STX8: variants seen among roughly 807,000 people sequenced by gnomAD.
STX8 encodes the protein syntaxin-8.
Under a neutral mutation model 37.5 loss-of-function variants are expected in STX8, and 23 were observed. The ratio of observed to expected loss-of-function variants is 0.61; its 90% CI spans 0.44 to 0.87. STX8 has a LOEUF of 0.87. Ranked by LOEUF, STX8 falls within the 40% of genes least tolerant of loss-of-function variation. The probability of loss-of-function intolerance (pLI) is 0.00; values close to 1 mark genes in which losing one functional copy is unlikely to be tolerated. For synonymous variants in STX8, 115 were observed against 99.1 expected (o/e 1.16, Z -0.95); for missense variants, 313 against 284.7 (o/e 1.10, Z -0.71).
rs78812629 is a variant in STX8 at position 9,468,614 on chromosome 17, T to C, written c.541+23215A>G. On this transcript the variant is annotated intron_variant, in intron 6 of 7. Coordinates refer to ENST00000306357, the MANE Select transcript of STX8 (RefSeq NM_004853.3). ...GCAGGCACAGAGACGCACCACACAG[T>C]TCCTCTTTCAAGCAAGGCCTTTCTG... 5.0e-3 allele frequency among the ~76,000 whole-genome samples: 761 copies of C among 152,252 alleles called. 15 individuals are homozygous for C. The highest frequency in any genetic ancestry group is 0.017 in the African/African-American group (727 of 41,546).
intron 6 of STX8, among the ~76,000 whole-genome samples, chr17:9,379,870 A>G (rs1911732222): frequency 6.6e-6 from 1 of 152,022 alleles, no homozygotes; most frequent in Non-Finnish European, 1.5e-5. Flanking sequence ...CGGGAGGCTG[A>G]GGCAGGAGAA....
chr17:9,538,271 A>G lies in STX8; in HGVS notation c.323+6901T>C, dbSNP rs76280716. On this transcript the variant is annotated intron_variant, in intron 4 of 7. Transcript: ENST00000306357. ...ATACATAAAAGAGAGAAGGGGGTTT[A>G]TGATATGGATGTATATTCCTTAGCA... Among the ~76,000 whole-genome samples, 1,062 of 152,308 alleles carry G rather than the reference A, an allele frequency of 7.0e-3. 18 individuals are homozygous for G. Among genetic ancestry groups the G allele is most frequent in the African/African-American group, 0.025 (1,020 of 41,570 alleles).
chr17:9,317,645 A>C (rs529268778), intron 7 of STX8, among the ~76,000 whole-genome samples: 1 of 152,204 alleles, frequency 6.6e-6, no homozygotes, highest in African/African-American at 2.4e-5. Context: ...AGGCACCTGT[A>C]GTCCCAGCTA....
At chr17:9,420,498 A>C (rs1913385455) in intron 6 of STX8, among the ~76,000 whole-genome samples, 1 of 151,900 alleles carries the variant, frequency 6.6e-6, no homozygotes, top group Admixed American at 6.6e-5. Flanking sequence ...TGGCCCGCCC[A>C]CAGCACTTTC....
chr17:9,387,745 C>T lies in STX8; in HGVS notation c.542-9092G>A, dbSNP rs16958226. Among the ~76,000 whole-genome samples, 1,283 of 152,268 alleles carry T rather than the reference C, an allele frequency of 8.4e-3. 25 individuals carry two copies. Among genetic ancestry groups the T allele is most frequent in the African/African-American group, 0.029 (1,207 of 41,546 alleles). ...CAATCAGTATTGCGTGATGCATCAA[C>T]GCCACAATACATAATACAAAATTCA... On this transcript the variant is annotated intron_variant, in intron 6 of 7. Transcript: ENST00000306357.
chr17:9,428,106 C>A (rs1386549517), intron 6 of STX8, among the ~76,000 whole-genome samples: 3 of 152,176 alleles, frequency 2.0e-5, no homozygotes, highest in Non-Finnish European at 2.9e-5. Context: ...AAGGCCCTTT[C>A]CAAGTCTCCC....
At chr17:9,470,460 T>C (rs1349041371) in intron 6 of STX8, among the ~76,000 whole-genome samples, 8 of 152,226 alleles carry the variant, frequency 5.3e-5, no homozygotes, top group African/African-American at 1.9e-4. Context: ...AGAAGCACAT[T>C]CTCAGAGAAC....
At chr17:9,469,580 C>A (rs1905762649) in intron 6 of STX8, among the ~76,000 whole-genome samples, 1 of 152,140 alleles carries the variant, frequency 6.6e-6, no homozygotes. Flanking sequence ...AATATATCTC[C>A]CATAAACACA....
chr17:9,282,175 C>G (rs1210397901), intron 7 of STX8, among the ~76,000 whole-genome samples: 2 of 152,136 alleles, frequency 1.3e-5, no homozygotes, highest in Non-Finnish European at 2.9e-5. Context: ...CTCTGTCACC[C>G]AGGCTGGAGT....
chr17:9,335,497 T>C (rs1910105732), intron 7 of STX8, among the ~76,000 whole-genome samples: 2 of 152,286 alleles, frequency 1.3e-5, no homozygotes, highest in Non-Finnish European at 1.5e-5. Context: ...CAAATGTCAA[T>C]GTGAGTTTTG....
At chr17:9,311,119 C>A (rs1489219865) in intron 7 of STX8, among the ~76,000 whole-genome samples, 2 of 151,960 alleles carry the variant, frequency 1.3e-5, no homozygotes, top group Non-Finnish European at 2.9e-5. Context: ...CACCTGTAAT[C>A]CCAGCTACTC....
At chr17:9,503,753 C>T (rs12103725) in intron 5 of STX8, among the ~76,000 whole-genome samples, 4,887 of 152,150 alleles carry the variant, frequency 0.032, 291 homozygotes, top group African/African-American at 0.11. Context: ...ATAACACATA[C>T]TAAGTGGTTT....
At chr17:9,453,069 G>A (rs1905091081) in intron 6 of STX8, among the ~76,000 whole-genome samples, 2 of 152,158 alleles carry the variant, frequency 1.3e-5, no homozygotes, top group South Asian at 2.1e-4. Flanking sequence ...GCCTCCCAAA[G>A]TGCTGGGATT....
rs1909912898 is a variant in STX8, at chr17:9,330,098, A to C, written c.643+48454T>G. Among the ~76,000 whole-genome samples the C allele has an allele frequency of 2.0e-5, 3 of 152,150 alleles. No homozygotes were observed. The South Asian group carries it at 6.2e-4, about 31-fold the overall frequency. On this transcript the variant is annotated intron_variant, in intron 7 of 7. Coordinates refer to ENST00000306357, the MANE Select transcript of STX8 (RefSeq NM_004853.3). ...AGGGAAAGGGAGAGGATGGGCAGGG[A>C]GAGAGAAACAGGAGGCAGAGTCCCT...
At chr17:9,327,157 CA>C (rs1248061676) in intron 7 of STX8, among the ~76,000 whole-genome samples, 276 of 80,898 alleles carry the variant, frequency 3.4e-3, no homozygotes, top group Admixed American at 5.2e-3. Flanking sequence ...AACTCTGTCT[CA>C]AAAAAAAAAA....
intron 6 of STX8, among the ~76,000 whole-genome samples, chr17:9,446,594 T>C (rs564883677): frequency 2.0e-5 from 3 of 152,226 alleles, no homozygotes; most frequent in African/African-American, 4.8e-5. Flanking sequence ...TCCACAAAGA[T>C]AGAAAGGAAT....
intron 6 of STX8, among the ~76,000 whole-genome samples, chr17:9,436,680 A>G (rs1567560290): frequency 6.6e-6 from 1 of 151,842 alleles, no homozygotes; most frequent in Non-Finnish European, 1.5e-5. Context: ...CTGGCTGAAA[A>G]CATCTGAAAG....
intron 6 of STX8, among the ~76,000 whole-genome samples, chr17:9,406,839 C>G (rs1023152573): frequency 2.0e-5 from 3 of 152,090 alleles, no homozygotes; most frequent in African/African-American, 7.2e-5. Flanking sequence ...ATAAGTGGAG[C>G]TGCATAGCTC....
chr17:9,546,343 A>G (rs1176174719), intron 3 of STX8, among the ~76,000 whole-genome samples: 1 of 152,054 alleles, frequency 6.6e-6, no homozygotes, highest in Non-Finnish European at 1.5e-5. Context: ...TGTAACACTA[A>G]ATAGTCTCTA....
Sources: gnomAD v4.1 joint callset for allele counts (sites outside exome capture counted in the v4.1 genomes callset) on GRCh38, gnomAD v4.1.1 for gene constraint, MANE v1.5 for transcripts, NCBI Gene and HGNC (gene_info 2026-07-23, HGNC 2026-07-21) for gene names.